ATXN8OS: variants seen among roughly 807,000 people sequenced by gnomAD.
ATXN8OS encodes the protein ATXN8 opposite strand lncRNA, also known as ATXN8 opposite strand (non-protein coding).
intron 4 of ATXN8OS, among the ~76,000 whole-genome samples, chr13:70,168,498 A>C (rs1014920807): frequency 2.0e-5 from 3 of 151,396 alleles, no homozygotes; most frequent in East Asian, 1.9e-4. Context: ...CCATGAACCA[A>C]CTTCTCTTTA....
Position 70,151,067 on chromosome 13 carries a change from C to T in ATXN8OS, n.573+3639C>T, listed in dbSNP as rs896872750. On this transcript the variant is annotated intron_variant and non_coding_transcript_variant, in intron 4 of 4. Coordinates refer to ENST00000678624, the Ensembl canonical transcript of ATXN8OS. ...CATGTGCTTGCACTGGTGAAACCAT[C>T]GCTACAATCAAGGTAATAAAAATAT... 1.4e-4 allele frequency among the ~76,000 whole-genome samples: 22 copies of T among 152,116 alleles called. No individual in the cohort carries two copies. In the East Asian group the frequency reaches 3.9e-3, roughly 27 times the overall value.
intron 4 of ATXN8OS, among the ~76,000 whole-genome samples, chr13:70,153,426 T>G (rs554172108): frequency 3.6e-4 from 54 of 151,920 alleles, no homozygotes; most frequent in Middle Eastern, 6.8e-3. Flanking sequence ...TACAAAAAAC[T>G]TAGCCGGGCA....
At chr13:70,111,955 G>A (rs1414372816) in intron 1 of ATXN8OS, among the ~76,000 whole-genome samples, 1 of 152,136 alleles carries the variant, frequency 6.6e-6, no homozygotes, top group Non-Finnish European at 1.5e-5. Flanking sequence ...CTGCTATAAA[G>A]ACATTCCTGA....
At chr13:70,134,637 C>A (rs1215573528) in intron 3 of ATXN8OS, among the ~76,000 whole-genome samples, 1 of 152,148 alleles carries the variant, frequency 6.6e-6, no homozygotes, top group African/African-American at 2.4e-5. Context: ...CCAAGGAAAA[C>A]ATGATAGAGG....
At chr13:70,167,199 A>G (rs535680777) in intron 4 of ATXN8OS, among the ~76,000 whole-genome samples, 1 of 152,166 alleles carries the variant, frequency 6.6e-6, no homozygotes, top group Non-Finnish European at 1.5e-5. Context: ...TCATGCTGCT[A>G]TAAAGACACA....
At chr13:70,163,173 A>C (rs910632414) in intron 4 of ATXN8OS, among the ~76,000 whole-genome samples, 13 of 152,116 alleles carry the variant, frequency 8.5e-5, no homozygotes, top group African/African-American at 3.1e-4. Context: ...ATGTTTCTAA[A>C]TAATGTTAAG....
chr13:70,169,834 T>A (rs1415909627), exon 5 of ATXN8OS, among the ~76,000 whole-genome samples: 2 of 152,128 alleles, frequency 1.3e-5, no homozygotes, highest in Non-Finnish European at 2.9e-5. Context: ...GATTAAGTCC[T>A]GGTCCTTGCC....
intron 4 of ATXN8OS, among the ~76,000 whole-genome samples, chr13:70,162,743 T>A (rs1889026025): frequency 6.6e-6 from 1 of 152,138 alleles, no homozygotes; most frequent in Admixed American, 6.6e-5. Context: ...AATTAGATTT[T>A]AAAAAATCTT....
intron 4 of ATXN8OS, among the ~76,000 whole-genome samples, chr13:70,160,494 C>T (rs1009355561): frequency 4.6e-5 from 7 of 151,452 alleles, no homozygotes; most frequent in African/African-American, 7.3e-5. Flanking sequence ...TTTCTTTCAA[C>T]GGTAATTAAT....
exon 5 of ATXN8OS, among the ~76,000 whole-genome samples, chr13:70,170,329 A>G (rs1156535703): frequency 6.6e-6 from 1 of 152,120 alleles, no homozygotes; most frequent in Non-Finnish European, 1.5e-5. Flanking sequence ...TAAGGTCTTT[A>G]TTCCTTTAAT....
At chr13:70,167,848 A>C (rs889554996) in intron 4 of ATXN8OS, among the ~76,000 whole-genome samples, 1 of 140,720 alleles carries the variant, frequency 7.1e-6, no homozygotes, top group Non-Finnish European at 1.5e-5. Context: ...CCATTCTCCC[A>C]CCTCAGCCTC....
At chr13:70,126,699 TTAGA>T (rs1445495004) in intron 2 of ATXN8OS, among the ~76,000 whole-genome samples, 4 of 151,874 alleles carry the variant, frequency 2.6e-5, no homozygotes, top group East Asian at 3.9e-4. Context: ...GTATTACAGT[TTAGA>T]TAGATATGTA....
chr13:70,171,271 G>T (rs2137510767), exon 5 of ATXN8OS, among the ~76,000 whole-genome samples: 1 of 152,242 alleles, frequency 6.6e-6, no homozygotes, highest in East Asian at 1.9e-4. Context: ...GTAGATTACA[G>T]TCTATTTACA....
intron 1 of ATXN8OS, among the ~76,000 whole-genome samples, chr13:70,109,322 G>T (rs1337859492): frequency 6.6e-6 from 1 of 152,148 alleles, no homozygotes; most frequent in Non-Finnish European, 1.5e-5. Context: ...AGTAGTCTTT[G>T]TTGAAGGCAA....
chr13:70,167,773 T>C (rs751964354), intron 4 of ATXN8OS, among the ~76,000 whole-genome samples: 2 of 136,968 alleles, frequency 1.5e-5, no homozygotes, highest in Non-Finnish European at 3.1e-5. Flanking sequence ...TCTCGCTCTG[T>C]TGCCCAGGCT....
At chr13:70,169,217 T>C (rs1414699602) in intron 4 of ATXN8OS, among the ~76,000 whole-genome samples, 1 of 152,162 alleles carries the variant, frequency 6.6e-6, no homozygotes, top group African/African-American at 2.4e-5. Flanking sequence ...TGTAAGGTAA[T>C]AAATAGCTGC....
intron 3 of ATXN8OS, chr13:70,139,249 T>C (rs1888661295): frequency 4.4e-6 from 2 of 456,718 alleles, no homozygotes; most frequent in Non-Finnish European, 7.7e-6. Context: ...AGATTGCCTT[T>C]TCTGACTCCC....
intron 3 of ATXN8OS, chr13:70,131,022 G>A: frequency 7.5e-6 from 3 of 398,496 alleles, no homozygotes; most frequent in Non-Finnish European, 1.3e-5. Flanking sequence ...CTTAAAGAGA[G>A]TTAGGAAGTG....
chr13:70,159,932 G>A (rs1160774377), intron 4 of ATXN8OS, among the ~76,000 whole-genome samples: 1 of 152,176 alleles, frequency 6.6e-6, no homozygotes, highest in African/African-American at 2.4e-5. Context: ...TTCATCGATT[G>A]ATGTGCATTT....
Sources: gnomAD v4.1 joint callset for allele counts (sites outside exome capture counted in the v4.1 genomes callset) on GRCh38, gnomAD v4.1.1 for gene constraint, MANE v1.5 for transcripts, NCBI Gene and HGNC (gene_info 2026-07-23, HGNC 2026-07-21) for gene names.